Variants in ATAD1 observed in about 807,000 individuals in gnomAD.
The protein encoded by ATAD1 is ATPase family AAA domain containing 1, also known as outer mitochondrial transmembrane helix translocase.
A neutral mutation model predicts 42.7 loss-of-function variants in ATAD1; 18 were observed. That is an observed-to-expected ratio of 0.42 (90% CI 0.29 to 0.63). The LOEUF is 0.63. ATAD1 is among the 20% of genes least tolerant of loss of function. The pLI is 0.19. For missense variants in ATAD1, 294 were observed against 440.4 expected (o/e 0.67, Z 2.98); for synonymous variants, 132 against 143.1 (o/e 0.92, Z 0.55).
chr10:87,819,651 T>C (rs1005850001), upstream of ATAD1, among the ~76,000 whole-genome samples: 3 of 152,232 alleles, frequency 2.0e-5, no homozygotes, highest in African/African-American at 7.2e-5. Context: ...GAGCAAATTT[T>C]AAAGCTTAAA....
intron 7 of ATAD1, 152 bp from the exon 8 acceptor site, chr10:87,767,875 C>G: frequency 1.5e-6 from 1 of 666,602 alleles, no homozygotes; most frequent in Non-Finnish European, 2.5e-6. Context: ...CAACTAGATT[C>G]AAGGCTCTAG....
chr10:87,795,230 C>G (rs904791491), intron 2 of ATAD1, among the ~76,000 whole-genome samples: 1 of 152,128 alleles, frequency 6.6e-6, no homozygotes, highest in Non-Finnish European at 1.5e-5. Context: ...GAGAGCAGAA[C>G]ATGGCTGGCA....
At chr10:87,761,218 G>A (rs1480670062) in intron 8 of ATAD1, among the ~76,000 whole-genome samples, 1 of 152,158 alleles carries the variant, frequency 6.6e-6, no homozygotes, top group Non-Finnish European at 1.5e-5. Context: ...TATTGAAGTA[G>A]CAGTAATCCT....
intron 1 of ATAD1, among the ~76,000 whole-genome samples, chr10:87,833,727 CT>C (rs3033524): frequency 0.14 from 13,879 of 100,200 alleles, 524 homozygotes; most frequent in South Asian, 0.24. Context: ...TCTTTCTTTC[CT>C]TTTTTTTTTT....
intron 8 of ATAD1, among the ~76,000 whole-genome samples, chr10:87,758,413 G>T (rs576565126): frequency 6.6e-6 from 1 of 151,960 alleles, no homozygotes; most frequent in South Asian, 2.1e-4. Context: ...GGACAAATAA[G>T]CAAAGAAAAA....
In ATAD1 at chr10:87,754,547, A is replaced by G. The variant is rs1359779095; in HGVS notation, c.*140T>C. On this transcript the variant is annotated 3_prime_UTR_variant, in exon 10 of 10. Coordinates refer to ENST00000680024, the MANE Select transcript of ATAD1 (RefSeq NM_001321967.2). ...CCACCTATGTAACAACTATATCTCA[A>G]TAACTTAGAATTCAGAGTATAAAAC... The G allele has an allele frequency of 9.8e-6, 10 of 1,025,568 alleles. No individual in the cohort carries two copies. The highest frequency in any genetic ancestry group is 9.7e-5 in the African/African-American group (6 of 62,074). The allele number at this position is 1,025,568 out of a possible 1,614,324, so 63.5% of individuals were successfully genotyped here. A position where few individuals can be genotyped will look rare whatever the true frequency, so the allele number is the denominator to read the frequency against.
At chr10:87,790,821 C>T (rs1856060828) in intron 3 of ATAD1, among the ~76,000 whole-genome samples, 1 of 151,906 alleles carries the variant, frequency 6.6e-6, no homozygotes, top group African/African-American at 2.4e-5. Context: ...AGGATGTTGT[C>T]AAGCATCACA....
intron 8 of ATAD1, among the ~76,000 whole-genome samples, chr10:87,767,370 T>G (rs1854805084): frequency 6.6e-6 from 1 of 152,166 alleles, no homozygotes; most frequent in Admixed American, 6.5e-5. Flanking sequence ...ATTACATTTA[T>G]CATTAGACTC....
Position 87,756,914 on chromosome 10 carries a change from C to A in ATAD1, c.840G>T (p.Arg280Ser), listed in dbSNP as rs749522846. The A allele has an allele frequency of 1.3e-6, 2 of 1,593,066 alleles. No individual in the cohort carries two copies. Among genetic ancestry groups the A allele is most frequent in the African/African-American group, 1.4e-5 (1 of 73,650 alleles). ...KLILKNENVD[R>S]HVDLLEVAQE... ...GGGCAACTTCTAGCAGGTCTACATG[C>A]CTATCCACCTTAAACAAATATAAAA... Residue 280 changes from arginine (R) to serine (S), a missense_variant, in exon 9 of 10, where the codon AGG (arginine) becomes AGT (serine). Physicochemically the swap from Arg to Ser is moderately radical, Grantham distance 110 (BLOSUM62 -1). Transcript: ENST00000680024.
Position 87,753,531 on chromosome 10 carries a change from A to C in ATAD1, c.*1156T>G, listed in dbSNP as rs908684285. On this transcript the variant is annotated 3_prime_UTR_variant, in exon 10 of 10. Transcript: ENST00000680024. ...AGAATTCTGGTTAGTAAAATTTTGA[A>C]AAAAATTCACATATAATTCACATTA... 11 of 152,404 alleles carry C rather than the reference A, an allele frequency of 7.2e-5. No homozygotes were observed. Among genetic ancestry groups the C allele is most frequent in the African/African-American group, 2.7e-4 (11 of 41,434 alleles). 9.4% of individuals were successfully genotyped at this position (152,404 alleles called of 1,614,324 possible). A position where few individuals can be genotyped will look rare whatever the true frequency, so the allele number is the denominator to read the frequency against.
intron 1 of ATAD1, chr10:87,841,124 T>C (rs1372426180): frequency 1.3e-5 from 2 of 152,056 alleles, no homozygotes; most frequent in Non-Finnish European, 2.9e-5. Flanking sequence ...TAAGATGTAG[T>C]TAGGAGTTGT....
chr10:87,800,854 C>CCT (rs1220005691), intron 2 of ATAD1, among the ~76,000 whole-genome samples: 3 of 152,072 alleles, frequency 2.0e-5, no homozygotes, highest in Non-Finnish European at 4.4e-5. Context: ...CTCCTCAAGG[C>CCT]CCAGGGACTA....
At chr10:87,771,191 T>C in intron 6 of ATAD1, 150 bp from the exon 7 acceptor site, 1 of 546,156 alleles carries the variant, frequency 1.8e-6, no homozygotes, top group Non-Finnish European at 3.1e-6. Context: ...TATTCAACTA[T>C]TTACAGGTAT....
chr10:87,832,235 T>TA (rs1022805381), intron 1 of ATAD1: 1 of 151,468 alleles, frequency 6.6e-6, no homozygotes, highest in Non-Finnish European at 1.5e-5. Context: ...TACAAAAAAT[T>TA]AAAAAAGAAT....
rs902605690 is a variant in ATAD1, at chr10:87,799,548, G to C, written c.163-6793C>G. On this transcript the variant is annotated intron_variant, in intron 2 of 9. Coordinates refer to ENST00000680024, the MANE Select transcript of ATAD1 (RefSeq NM_001321967.2). ...ATGAATGAGGACAGCTTGGAGGTTA[G>C]AAGCAAGATGGGGTGAGTTAGGTCA... Among the ~76,000 whole-genome samples, 19 of 152,302 alleles carry C rather than the reference G, an allele frequency of 1.2e-4. No individual in the cohort carries two copies. The Middle Eastern group carries it at 0.02, about 164-fold the overall frequency.
chr10:87,776,335 C>G lies in ATAD1; in HGVS notation c.676G>C (p.Asp226His). The part of the protein sequence containing the change: ...FMSLWDGLDT[D>H]HSCQVIVMGA... Reference sequence around the variant, plus strand: ...TATTCAAATACCTGGCAGCTGTGATCAGTATCCAATCCATCCCAGAGACTC... The same window carrying G: ...TATTCAAATACCTGGCAGCTGTGATGAGTATCCAATCCATCCCAGAGACTC... Residue 226 changes from aspartate to histidine, a missense_variant, in exon 6 of 10, where the codon GAT becomes CAT. By Grantham distance (81) the Asp-to-His change is moderately conservative. This residue lies in a region of ATAD1 where 142 missense variants were observed against 174.6 expected (regional missense o/e 0.81). Transcript: ENST00000680024. 6.2e-7 allele frequency: 1 copy of G among 1,612,398 alleles called. No individual in the cohort carries two copies. Among genetic ancestry groups the G allele is most frequent in the Non-Finnish European group, 8.5e-7 (1 of 1,178,824 alleles).
At chr10:87,826,743 A>T (rs1857737382) in intron 1 of ATAD1, among the ~76,000 whole-genome samples, 1 of 151,900 alleles carries the variant, frequency 6.6e-6, no homozygotes, top group Non-Finnish European at 1.5e-5. Flanking sequence ...TCCCTCTCTC[A>T]CCCCTTCCTT....
intron 1 of ATAD1, among the ~76,000 whole-genome samples, chr10:87,836,037 A>C (rs767116772): frequency 7.2e-5 from 11 of 152,212 alleles, no homozygotes; most frequent in Non-Finnish European, 1.0e-4. Context: ...ACATGAAACA[A>C]ATTTTAAGGA....
chr10:87,762,913 A>AT, intron 8 of ATAD1, among the ~76,000 whole-genome samples: 1 of 105,274 alleles, frequency 9.5e-6, no homozygotes, highest in Non-Finnish European at 2.1e-5. Context: ...TACTAAAAAA[A>AT]AAAAAATATA....
Sources: allele counts gnomAD v4.1 joint callset (sites outside exome capture counted in the v4.1 genomes callset), GRCh38; gene constraint gnomAD v4.1.1; regional missense constraint gnomAD v4.1.1; transcripts MANE v1.5; gene names NCBI Gene and HGNC (gene_info 2026-07-23, HGNC 2026-07-21).